ZNF714: variants seen among roughly 807,000 people sequenced by gnomAD.
ZNF714 encodes the protein zinc finger protein 714.
A neutral mutation model predicts 46.2 loss-of-function variants in ZNF714; 32 were observed. That is an observed-to-expected ratio of 0.69 (90% CI 0.52 to 0.93). ZNF714 has a LOEUF of 0.93. Ranked by LOEUF, ZNF714 falls within the 40% of genes least tolerant of loss-of-function variation. The pLI is 0.00. For synonymous variants in ZNF714, 199 were observed against 213.1 expected, an observed-to-expected ratio of 0.93 and a Z score of 0.58; for missense variants, 635 against 646.3, an observed-to-expected ratio of 0.98 and a Z score of 0.19.
chr19:21,097,170 C>T (rs185766041), intron 2 of ZNF714, among the ~76,000 whole-genome samples: 4 of 152,190 alleles, frequency 2.6e-5, no homozygotes, highest in African/African-American at 9.6e-5. Context: ...CCGGCCTGTT[C>T]AGGATAGCAT....
chr19:21,115,055 T>G (rs1461177921), intron 4 of ZNF714, among the ~76,000 whole-genome samples: 1 of 152,152 alleles, frequency 6.6e-6, no homozygotes, highest in Non-Finnish European at 1.5e-5. Flanking sequence ...TTCAGATATA[T>G]TCTTGGTGGT....
At chr19:21,103,016 C>A (rs897722089) in intron 4 of ZNF714, among the ~76,000 whole-genome samples, 2 of 151,720 alleles carry the variant, frequency 1.3e-5, no homozygotes, top group African/African-American at 2.4e-5. Context: ...AAATATGACC[C>A]CAATATTGGT....
At chr19:21,114,138 G>T (rs1241510256) in intron 4 of ZNF714, among the ~76,000 whole-genome samples, 1 of 151,630 alleles carries the variant, frequency 6.6e-6, no homozygotes, top group East Asian at 1.9e-4. Context: ...AGTTTGTTTT[G>T]TCAGAAACTG....
At chr19:21,084,997 T>C (rs1968742286) in intron 2 of ZNF714, among the ~76,000 whole-genome samples, 1 of 152,212 alleles carries the variant, frequency 6.6e-6, no homozygotes, top group Non-Finnish European at 1.5e-5. Flanking sequence ...TATATTCCAT[T>C]TGTTAAAAAT....
chr19:21,087,371 T>TA, intron 2 of ZNF714, among the ~76,000 whole-genome samples: 1 of 152,070 alleles, frequency 6.6e-6, no homozygotes, highest in Non-Finnish European at 1.5e-5. Context: ...TTGGAACACA[T>TA]ACCAATAACA....
At chr19:21,096,024 T>C (rs766511018) in intron 2 of ZNF714, among the ~76,000 whole-genome samples, 2 of 152,186 alleles carry the variant, frequency 1.3e-5, no homozygotes, top group Non-Finnish European at 2.9e-5. Context: ...GAGAGTTAAG[T>C]GCCACATTTG....
rs1017730670 is a variant in ZNF714 at position 21,120,516 on chromosome 19, A to C, written c.*2184A>C. ...CAGAGTAATATTCTGCATTATGAAAAAACATTTAATTTTATTTAAAATTTA... is the reference window on the plus strand; with the variant it reads ...CAGAGTAATATTCTGCATTATGAAACAACATTTAATTTTATTTAAAATTTA... On this transcript the variant is annotated 3_prime_UTR_variant, in exon 5 of 5. Coordinates refer to ENST00000456283, the MANE Select transcript of ZNF714 (RefSeq NM_182515.4). 1.4e-5 allele frequency: 2 copies of C among 147,508 alleles called. No homozygotes were observed. Among genetic ancestry groups the C allele is most frequent in the Non-Finnish European group, 3.0e-5 (2 of 66,960 alleles). 9.1% of individuals were successfully genotyped at this position (147,508 alleles called of 1,614,324 possible).
At chr19:21,088,876 T>C (rs1968844485) in intron 2 of ZNF714, among the ~76,000 whole-genome samples, 2 of 152,240 alleles carry the variant, frequency 1.3e-5, no homozygotes, top group South Asian at 4.2e-4. Flanking sequence ...CATTTTTACA[T>C]CAGATCTTGT....
At chr19:21,102,757 G>A (rs920449335) in intron 4 of ZNF714, among the ~76,000 whole-genome samples, 4 of 151,942 alleles carry the variant, frequency 2.6e-5, no homozygotes, top group African/African-American at 9.7e-5. Context: ...TTTTTTAAAG[G>A]TATATTAATG....
rs1189709921 is a variant in ZNF714, at chr19:21,121,276, T to G, written c.*2944T>G. On this transcript the variant is annotated 3_prime_UTR_variant, in exon 5 of 5. Transcript: ENST00000456283. Reference sequence around the variant, plus strand: ...TCAATCTCCTGACCTCGTGATCTGGTCTCGATCTCCTGACCTCATGATCTG... The same window carrying G: ...TCAATCTCCTGACCTCGTGATCTGGGCTCGATCTCCTGACCTCATGATCTG... The G allele has an allele frequency of 6.6e-6, 1 of 152,046 alleles. No homozygotes were observed. The highest frequency in any genetic ancestry group is 1.5e-5 in the Non-Finnish European group (1 of 68,034). The allele number at this position is 152,046 out of a possible 1,614,324, so 9.4% of individuals were successfully genotyped here.
In ZNF714 at chr19:21,116,979, A is replaced by C. The variant is rs1258580558; in HGVS notation, c.315A>C (p.Leu105=). The part of the protein sequence containing the change: ...CKVYKKGYNE[L]NQCLTTTQSK... ...TGTACAAAAAAGGTTATAATGAACTAAACCAGTGTTTGACAACTACCCAGA... is the reference window on the plus strand; with the variant it reads ...TGTACAAAAAAGGTTATAATGAACTCAACCAGTGTTTGACAACTACCCAGA... The change falls in exon 5 of 5, where the codon CTA becomes CTC. Residue 105 remains leucine, a synonymous_variant. Coordinates refer to ENST00000456283, the MANE Select transcript of ZNF714 (RefSeq NM_182515.4). 1 of 1,613,830 alleles carries C rather than the reference A, an allele frequency of 6.2e-7. No individual in the cohort carries two copies. Among genetic ancestry groups the C allele is most frequent in the Non-Finnish European group, 8.5e-7 (1 of 1,179,912 alleles).
intron 2 of ZNF714, among the ~76,000 whole-genome samples, chr19:21,089,855 C>A (rs10415838): frequency 0.68 from 76,313 of 112,452 alleles, 30,328 homozygotes; most frequent in Middle Eastern, 0.89. Flanking sequence ...CCATTCATTC[C>A]ATCAGTTTAC....
rs1969714958 is a variant in ZNF714 at position 21,122,184 on chromosome 19, AACAT to A, written c.*3857_*3860del. On this transcript the variant is annotated 3_prime_UTR_variant, in exon 5 of 5. Coordinates refer to ENST00000456283, the MANE Select transcript of ZNF714 (RefSeq NM_182515.4). ...GATGTTTTTATATATAAATGTAGCA[AACAT>A]ACATTACAGTTCTTACTGTGTAATC... 6.6e-6 allele frequency: 1 copy of A among 152,244 alleles called. No homozygotes were observed. Among genetic ancestry groups the A allele is most frequent in the Non-Finnish European group, 1.5e-5 (1 of 68,044 alleles). The allele number at this position is 152,244 out of a possible 1,614,324, so 9.4% of individuals were successfully genotyped here.
chr19:21,099,212 T>C (rs1328131551), intron 4 of ZNF714, among the ~76,000 whole-genome samples: 2 of 152,162 alleles, frequency 1.3e-5, no homozygotes, highest in Non-Finnish European at 2.9e-5. Flanking sequence ...GAGTTTCGCT[T>C]TGGTTGCCCA....
At chr19:21,100,134 A>G (rs8112542) in intron 4 of ZNF714, among the ~76,000 whole-genome samples, 152,165 of 152,264 alleles carry the variant, frequency 1, 76,034 homozygotes, top group Middle Eastern at 1. Context: ...GATTACAGGC[A>G]TGAGTCACCA....
chr19:21,117,671 C>G lies in ZNF714; in HGVS notation c.1007C>G (p.Thr336Ser). Residue 336 changes from threonine to serine, a missense_variant, in exon 5 of 5, where the codon ACT becomes AGT. Thr to Ser is a moderately conservative substitution (Grantham distance 58). Coordinates refer to ENST00000456283, the MANE Select transcript of ZNF714 (RefSeq NM_182515.4). ...CTTACAAAACATAAAAGAATTCATA[C>G]TGGAGAGAAACCCTACAAATGTGAA... ...STLTKHKRIH[T>S]GEKPYKCEEC... is the part of the protein sequence containing the mutation. 5.0e-6 allele frequency: 8 copies of G among 1,613,418 alleles called. No individual in the cohort carries two copies. Among genetic ancestry groups the G allele is most frequent in the Non-Finnish European group, 6.8e-6 (8 of 1,179,716 alleles).
At chr19:21,105,880 G>A (rs1969298825) in intron 4 of ZNF714, among the ~76,000 whole-genome samples, 1 of 151,902 alleles carries the variant, frequency 6.6e-6, no homozygotes, top group African/African-American at 2.4e-5. Context: ...GTTTGAACCC[G>A]GAAGGTGTAA....
Position 21,121,995 on chromosome 19 carries a change from T to TAC in ZNF714, c.*3664_*3665insCA, listed in dbSNP as rs1969710779. The TAC allele has an allele frequency of 6.6e-6, 1 of 152,224 alleles. No individual in the cohort carries two copies. The highest frequency in any genetic ancestry group is 2.1e-4 in the South Asian group (1 of 4,830). 9.4% of individuals were successfully genotyped at this position (152,224 alleles called of 1,614,324 possible). ...AAAAGTAGTGTATTAAGTTACATTTTATTTAGTGAGAGCACTCCATTTTGT... is the reference window on the plus strand; with the variant it reads ...AAAAGTAGTGTATTAAGTTACATTTTACATTTAGTGAGAGCACTCCATTTTGT... On this transcript the variant is annotated 3_prime_UTR_variant, in exon 5 of 5. Coordinates refer to ENST00000456283, the MANE Select transcript of ZNF714 (RefSeq NM_182515.4).
intron 4 of ZNF714, among the ~76,000 whole-genome samples, chr19:21,105,464 A>AT (rs942017048): frequency 2.0e-5 from 3 of 151,730 alleles, no homozygotes; most frequent in Non-Finnish European, 2.9e-5. Context: ...AGTCTATTGA[A>AT]TTTTTTTTAA....
Sources: gnomAD v4.1 joint callset for allele counts (sites outside exome capture counted in the v4.1 genomes callset) on GRCh38, gnomAD v4.1.1 for gene constraint, MANE v1.5 for transcripts, NCBI Gene and HGNC (gene_info 2026-07-23, HGNC 2026-07-21) for gene names.